Variants in SLC8A1 observed in about 807,000 individuals in gnomAD.
The protein encoded by SLC8A1 is solute carrier family 8 member A1.
A neutral mutation model predicts 68.3 loss-of-function variants in SLC8A1; 18 were observed. That is an observed-to-expected ratio of 0.26 (90% CI 0.18 to 0.39). The LOEUF (loss-of-function observed/expected upper bound fraction) is 0.39. SLC8A1 is among the 10% of genes least tolerant of loss of function. The pLI is 1.00. For synonymous variants in SLC8A1, 475 were observed against 415.5 expected, an observed-to-expected ratio of 1.14 and a Z score of -1.74; for missense variants, 985 against 1,156.7, an observed-to-expected ratio of 0.85 and a Z score of 2.15.
intron 2 of SLC8A1, among the ~76,000 whole-genome samples, chr2:40,226,958 G>C (rs1662644031): frequency 6.6e-6 from 1 of 152,044 alleles, no homozygotes; most frequent in African/African-American, 2.4e-5. Context: ...AAAACACAGA[G>C]CTAGAAAATG....
chr2:40,400,154 G>A (rs374092364), intron 2 of SLC8A1, among the ~76,000 whole-genome samples: 6 of 152,248 alleles, frequency 3.9e-5, no homozygotes, highest in South Asian at 2.1e-4. Context: ...TTGCTCACTC[G>A]GTGAGCTCGG....
At chr2:40,291,999 C>T (rs768373300) in intron 2 of SLC8A1, among the ~76,000 whole-genome samples, 9 of 150,740 alleles carry the variant, frequency 6.0e-5, no homozygotes, top group South Asian at 2.1e-4. Flanking sequence ...AGAGATCTAA[C>T]ATCATATTAA....
intron 1 of SLC8A1, among the ~76,000 whole-genome samples, chr2:40,433,250 A>C (rs76323621): frequency 6.6e-6 from 1 of 152,260 alleles, no homozygotes; most frequent in African/African-American, 2.4e-5. Flanking sequence ...ACCTTTTATG[A>C]TCTGGCATCT....
intron 2 of SLC8A1, among the ~76,000 whole-genome samples, chr2:40,269,634 T>G (rs1329097803): frequency 6.6e-6 from 1 of 152,162 alleles, no homozygotes; most frequent in Non-Finnish European, 1.5e-5. Flanking sequence ...AATCTGGATT[T>G]GAACCTTGGT....
rs573335981 is a variant in SLC8A1 at position 40,210,491 on chromosome 2, T to A, written c.1809-32636A>T. Among the ~76,000 whole-genome samples the A allele has an allele frequency of 3.9e-5, 6 of 152,312 alleles. No individual in the cohort carries two copies. The East Asian group carries it at 7.7e-4, about 20-fold the overall frequency. On this transcript the variant is annotated intron_variant, in intron 2 of 7. Coordinates refer to ENST00000406785, the Ensembl canonical transcript of SLC8A1. Reference sequence around the variant, plus strand: ...AGGACCCAACCAAATCACATTTGATTTCAAGAAATTGAAGGGATAATTAAG... The same window carrying A: ...AGGACCCAACCAAATCACATTTGATATCAAGAAATTGAAGGGATAATTAAG...
chr2:40,253,135 AT>A (rs2063217577), intron 2 of SLC8A1, among the ~76,000 whole-genome samples: 1 of 109,268 alleles, frequency 9.2e-6, no homozygotes, highest in Admixed American at 1.1e-4. Context: ...ACACGTATAT[AT>A]GTATATGTAT....
chr2:40,473,821 C>G (rs973574845), intron 1 of SLC8A1, among the ~76,000 whole-genome samples: 1 of 152,152 alleles, frequency 6.6e-6, no homozygotes, highest in African/African-American at 2.4e-5. Flanking sequence ...CCTCAAGCAA[C>G]TTGGGTAGAT....
intron 2 of SLC8A1, among the ~76,000 whole-genome samples, chr2:40,334,321 C>T (rs1665239243): frequency 6.6e-6 from 1 of 152,088 alleles, no homozygotes; most frequent in Admixed American, 6.6e-5. Context: ...TGACTTTTAG[C>T]CCAGTCAAAT....
chr2:40,465,245 A>G (rs1368438086), intron 1 of SLC8A1, among the ~76,000 whole-genome samples: 1 of 152,172 alleles, frequency 6.6e-6, no homozygotes, highest in African/African-American at 2.4e-5. Context: ...TACCATAGAC[A>G]ATTGTCCTTC....
intron 2 of SLC8A1, among the ~76,000 whole-genome samples, chr2:40,311,652 C>T (rs1330390844): frequency 1.3e-5 from 2 of 151,714 alleles, no homozygotes; most frequent in Non-Finnish European, 2.9e-5. Flanking sequence ...CAATTGTATC[C>T]CCAAGTAGTG....
intron 2 of SLC8A1, among the ~76,000 whole-genome samples, chr2:40,183,256 T>C (rs1414189087): frequency 1.3e-5 from 2 of 152,212 alleles, no homozygotes; most frequent in African/African-American, 4.8e-5. Flanking sequence ...ACTAGGTCCC[T>C]TATTCATTCA....
intron 2 of SLC8A1, among the ~76,000 whole-genome samples, chr2:40,289,099 C>CT (rs35030548): frequency 9.7e-4 from 142 of 146,934 alleles, no homozygotes; most frequent in East Asian, 3.8e-3. Context: ...ATGACTGATT[C>CT]TTTTTTTTTT....
intron 1 of SLC8A1, among the ~76,000 whole-genome samples, chr2:40,491,816 C>T (rs1705335399): frequency 1.3e-5 from 2 of 151,972 alleles, no homozygotes; most frequent in African/African-American, 2.4e-5. Flanking sequence ...AGCCTTGCAT[C>T]CCAGACCACT....
Position 40,243,435 on chromosome 2 carries a change from A to G in SLC8A1, c.1809-65580T>C, listed in dbSNP as rs534228268. Among the ~76,000 whole-genome samples, 5 of 152,280 alleles carry G rather than the reference A, an allele frequency of 3.3e-5. No individual in the cohort carries two copies. The South Asian group carries it at 1.0e-3, about 32-fold the overall frequency. ...GGAGGTAGATGTTATAGTGACCAAG[A>G]TCACCCCACTGTACTCCAACCTTGG... On this transcript the variant is annotated intron_variant, in intron 2 of 7. Coordinates refer to ENST00000406785, the Ensembl canonical transcript of SLC8A1.
chr2:40,321,774 G>A (rs1026034005), intron 2 of SLC8A1, among the ~76,000 whole-genome samples: 10 of 152,020 alleles, frequency 6.6e-5, no homozygotes, highest in Non-Finnish European at 1.3e-4. Context: ...TCCCTCCCAT[G>A]ACACGTGGGG....
At chr2:40,405,529 C>G (rs1244270476) in intron 2 of SLC8A1, among the ~76,000 whole-genome samples, 2 of 152,148 alleles carry the variant, frequency 1.3e-5, no homozygotes, top group East Asian at 3.8e-4. Flanking sequence ...TTGGGAGATC[C>G]CATGCCACAA....
At chr2:40,306,953 G>T (rs1559172670) in intron 2 of SLC8A1, among the ~76,000 whole-genome samples, 1 of 151,956 alleles carries the variant, frequency 6.6e-6, no homozygotes, top group African/African-American at 2.4e-5. Flanking sequence ...GTAAAGGCTT[G>T]TTCTGTTTTA....
chr2:40,427,114 A>T (rs1697071380), intron 2 of SLC8A1, among the ~76,000 whole-genome samples: 1 of 152,130 alleles, frequency 6.6e-6, no homozygotes, highest in Non-Finnish European at 1.5e-5. Flanking sequence ...CCCTACAAAC[A>T]TCAGAAGATG....
At chr2:40,133,712 C>G (rs115523221) in intron 7 of SLC8A1, among the ~76,000 whole-genome samples, 1 of 56,896 alleles carries the variant, frequency 1.8e-5, no homozygotes, top group Non-Finnish European at 3.7e-5. Flanking sequence ...CCCCCCCCCC[C>G]ACCGACTCAT....
Sources: allele counts gnomAD v4.1 joint callset (sites outside exome capture counted in the v4.1 genomes callset), GRCh38; gene constraint gnomAD v4.1.1; transcripts MANE v1.5; gene names NCBI Gene and HGNC (gene_info 2026-07-23, HGNC 2026-07-21).